Variants in HIGD1C observed in about 807,000 individuals in gnomAD.
The protein encoded by HIGD1C is HIG1 domain family member 1C.
HIGD1C carries 11 observed loss-of-function variants against 13.1 expected under a neutral mutation model. That is an observed-to-expected ratio of 0.84 (90% CI 0.53 to 1.39). The LOEUF (loss-of-function observed/expected upper bound fraction) is 1.39. HIGD1C is among the 40% of genes most tolerant of loss of function. HIGD1C has a pLI of 0.00. For synonymous variants in HIGD1C, 36 were observed against 37.7 expected (o/e 0.95, Z 0.17); for missense variants, 110 against 112.0 (o/e 0.98, Z 0.08).
intron 1 of HIGD1C, 104 bp from the exon 4 acceptor site, chr12:50,960,864 G>T: frequency 1.1e-6 from 1 of 923,708 alleles, no homozygotes. Context: ...TTTTTTTTTA[G>T]AGATGGGGTC....
chr12:50,965,847 T>G (rs1242128513), intron 2 of HIGD1C, among the ~76,000 whole-genome samples: 1 of 152,210 alleles, frequency 6.6e-6, no homozygotes, highest in Non-Finnish European at 1.5e-5. Flanking sequence ...GAACATGGTC[T>G]TTCCTTAAGG....
chr12:50,957,914 GAC>G (rs1230487640), intron 1 of HIGD1C, among the ~76,000 whole-genome samples: 3 of 147,382 alleles, frequency 2.0e-5, no homozygotes, highest in African/African-American at 5.1e-5. Flanking sequence ...AAAATGGAGA[GAC>G]TACTGTATTC....
At chr12:50,949,742 C>T (rs967915143), upstream of HIGD1C, among the ~76,000 whole-genome samples, 1 of 151,936 alleles carries the variant, frequency 6.6e-6, no homozygotes, top group Non-Finnish European at 1.5e-5. Context: ...CCATGTTGAT[C>T]AGGCTGGTCT....
At chr12:50,947,825 T>G in the HIGD1C span, among the ~76,000 whole-genome samples, 1 of 152,184 alleles carries the variant, frequency 6.6e-6, no homozygotes, top group Non-Finnish European at 1.5e-5. Flanking sequence ...GGCAGGTGCC[T>G]GTAATCTCAG....
At chr12:50,953,095 A>C (rs1477949714), upstream of HIGD1C, among the ~76,000 whole-genome samples, 1 of 152,102 alleles carries the variant, frequency 6.6e-6, no homozygotes, top group Non-Finnish European at 1.5e-5. Context: ...ATACCAGCCG[A>C]CCACTCCCCC....
chr12:50,970,600 A>G (rs1939728088), downstream of HIGD1C: 2 of 742,338 alleles, frequency 2.7e-6, no homozygotes, highest in Admixed American at 2.4e-5. Flanking sequence ...TTTACTACAC[A>G]AGTGTCACAG....
the HIGD1C span, among the ~76,000 whole-genome samples, chr12:50,948,591 C>T: frequency 1.3e-5 from 2 of 151,184 alleles, no homozygotes; most frequent in Admixed American, 6.6e-5. Flanking sequence ...AAAACACCGC[C>T]GGGTGCAGTG....
chr12:50,957,459 A>C lies in HIGD1C; in HGVS notation c.94+3367A>C, dbSNP rs557318365. On this transcript the variant is annotated intron_variant, in intron 1 of 2. Transcript: ENST00000398455. The stretch of plus-strand genomic sequence containing the variant: ...AGTGATCCATCAGTCTCAGCCTCCC[A>C]AAGTGCTGGGATTACAGGAATGAGC... Among the ~76,000 whole-genome samples, 93 of 151,818 alleles carry C rather than the reference A, an allele frequency of 6.1e-4. 1 individual carries two copies. The highest frequency in any genetic ancestry group is 2.0e-3 in the African/African-American group (83 of 41,400).
the HIGD1C span, among the ~76,000 whole-genome samples, chr12:50,934,306 C>T: frequency 6.6e-6 from 1 of 152,196 alleles, no homozygotes; most frequent in African/African-American, 2.4e-5. Context: ...ATCAAAGTGA[C>T]ATGGTCAAGT....
chr12:50,968,511 C>T (rs1939633688), intron 2 of HIGD1C, among the ~76,000 whole-genome samples: 1 of 152,114 alleles, frequency 6.6e-6, no homozygotes, highest in Non-Finnish European at 1.5e-5. Flanking sequence ...CTCAGCTTCC[C>T]TAGCAGCTGG....
intron 2 of HIGD1C, among the ~76,000 whole-genome samples, chr12:50,969,503 C>T (rs558219107): frequency 1.3e-4 from 19 of 151,944 alleles, no homozygotes; most frequent in Non-Finnish European, 2.4e-4. Context: ...AGTTCAAGAC[C>T]GGCCTGGCCA....
chr12:50,944,376 G>A, the HIGD1C span, among the ~76,000 whole-genome samples: 4 of 152,216 alleles, frequency 2.6e-5, no homozygotes, highest in Non-Finnish European at 4.4e-5. Context: ...GGCCAGGCAC[G>A]GTGGTTCACT....
chr12:50,945,737 G>A, the HIGD1C span, among the ~76,000 whole-genome samples: 1 of 152,144 alleles, frequency 6.6e-6, no homozygotes, highest in Non-Finnish European at 1.5e-5. Flanking sequence ...CTACTTTAAA[G>A]TTCATATGGA....
chr12:50,955,216 C>A (rs779883170), intron 1 of HIGD1C, among the ~76,000 whole-genome samples: 4 of 152,010 alleles, frequency 2.6e-5, no homozygotes, highest in Non-Finnish European at 5.9e-5. Context: ...TCACTTGAAC[C>A]CGGGAGGTAG....
intron 2 of HIGD1C, among the ~76,000 whole-genome samples, chr12:50,961,630 A>G (rs973951254): frequency 2.6e-5 from 4 of 152,220 alleles, no homozygotes; most frequent in African/African-American, 9.6e-5. Flanking sequence ...AAATCCAAAG[A>G]AAAGGTATAA....
upstream of HIGD1C, among the ~76,000 whole-genome samples, chr12:50,953,066 G>A (rs1324182617): frequency 6.6e-6 from 1 of 152,078 alleles, no homozygotes; most frequent in Non-Finnish European, 1.5e-5. Flanking sequence ...TTCTAGCAGG[G>A]TGCTGGAAAT....
At chr12:50,937,024 TTTC>T in the HIGD1C span, among the ~76,000 whole-genome samples, 1 of 152,246 alleles carries the variant, frequency 6.6e-6, no homozygotes, top group African/African-American at 2.4e-5. Context: ...ACACCAGCAA[TTTC>T]TTCTTTGTTT....
intron 1 of HIGD1C, among the ~76,000 whole-genome samples, chr12:50,955,626 TAA>T (rs1939064563): frequency 6.6e-6 from 1 of 152,218 alleles, no homozygotes; most frequent in South Asian, 2.1e-4. Flanking sequence ...AGCAACTTCC[TAA>T]GTGTCATTAT....
intron 1 of HIGD1C, among the ~76,000 whole-genome samples, chr12:50,959,405 C>A (rs1002508750): frequency 6.6e-6 from 1 of 152,122 alleles, no homozygotes; most frequent in Non-Finnish European, 1.5e-5. Context: ...TAGGTGTGAG[C>A]CACTGTGCCC....
Sources: gnomAD v4.1 joint callset for allele counts (sites outside exome capture counted in the v4.1 genomes callset) on GRCh38, gnomAD v4.1.1 for gene constraint, MANE v1.5 for transcripts, NCBI Gene and HGNC (gene_info 2026-07-23, HGNC 2026-07-21) for gene names.